The following AGAP1 variants were observed in gnomAD, a reference collection of about 807,000 sequenced individuals.
AGAP1 encodes ArfGAP with GTPase domain, ankyrin repeat and PH domain 1.
In AGAP1, 29 loss-of-function variants were observed where a neutral mutation model predicts 105.3. The observed-to-expected ratio is 0.28, with a 90% confidence interval of 0.21 to 0.38. AGAP1 has a LOEUF of 0.38. Among genes scored for constraint, AGAP1 ranks in the 10% least tolerant of loss-of-function variants. The pLI, the probability that AGAP1 is intolerant of heterozygous loss-of-function variation, is 1.00. For missense variants in AGAP1, 998 were observed against 1,165.1 expected, an observed-to-expected ratio of 0.86 and a Z score of 2.09; for synonymous variants, 509 against 485.9, an observed-to-expected ratio of 1.05 and a Z score of -0.63.
intron 1 of AGAP1, among the ~76,000 whole-genome samples, chr2:235,682,523 T>G (rs1242990597): frequency 6.6e-6 from 1 of 151,698 alleles, no homozygotes; most frequent in African/African-American, 2.4e-5. Flanking sequence ...TTTTTTAATT[T>G]TAGTAGAGAT....
In AGAP1 at chr2:236,028,877, A is replaced by C. The variant is rs114956905; in HGVS notation, c.1646-7684A>C. Among the ~76,000 whole-genome samples the C allele has an allele frequency of 2.0e-3, 305 of 152,310 alleles. 1 individual carries two copies. The highest frequency in any genetic ancestry group is 3.3e-3 in the South Asian group (16 of 4,832). On this transcript the variant is annotated intron_variant, in intron 13 of 17. Coordinates refer to ENST00000304032, the MANE Select transcript of AGAP1 (RefSeq NM_001037131.3). ...AGATTATCTCTGTCCAAGGTAATGG[A>C]GTCCTCTTCTATTCCTCGTTGGCTA...
chr2:235,628,988 T>C (rs1463158907), intron 1 of AGAP1, among the ~76,000 whole-genome samples: 1 of 152,084 alleles, frequency 6.6e-6, no homozygotes, highest in Non-Finnish European at 1.5e-5. Flanking sequence ...ATTTTTGTAT[T>C]TTTAGTAGAG....
At chr2:236,063,271 G>A (rs907982771) in intron 16 of AGAP1, among the ~76,000 whole-genome samples, 1 of 151,992 alleles carries the variant, frequency 6.6e-6, no homozygotes, top group Non-Finnish European at 1.5e-5. Context: ...TGTATATTTA[G>A]TAGAGACGGG....
chr2:236,048,733 C>G (rs1042412099), intron 15 of AGAP1, among the ~76,000 whole-genome samples: 2 of 152,238 alleles, frequency 1.3e-5, no homozygotes, highest in Admixed American at 6.5e-5. Context: ...TTTTCCCACA[C>G]AGGTCAGCCC....
intron 13 of AGAP1, among the ~76,000 whole-genome samples, chr2:235,986,185 A>G (rs2055307823): frequency 6.6e-6 from 1 of 152,044 alleles, no homozygotes. Flanking sequence ...CGTCCTTCAC[A>G]TCCCTTGTTA....
At chr2:235,704,300 T>C (rs1205493447) in intron 1 of AGAP1, among the ~76,000 whole-genome samples, 1 of 152,138 alleles carries the variant, frequency 6.6e-6, no homozygotes, top group Non-Finnish European at 1.5e-5. Context: ...TTTTGAAAAA[T>C]TGAAGATGAA....
At chr2:235,807,767 G>A (rs1957915221) in intron 9 of AGAP1, among the ~76,000 whole-genome samples, 1 of 152,204 alleles carries the variant, frequency 6.6e-6, no homozygotes. Context: ...TTGTAACAAC[G>A]AGGCAATTAG....
At chr2:235,738,170 A>G (rs1476587160) in intron 3 of AGAP1, among the ~76,000 whole-genome samples, 1 of 152,106 alleles carries the variant, frequency 6.6e-6, no homozygotes, top group Non-Finnish European at 1.5e-5. Flanking sequence ...CTAGCAAAGA[A>G]GTGTGGGTGA....
intron 12 of AGAP1, among the ~76,000 whole-genome samples, chr2:235,938,309 C>T (rs975902609): frequency 1.3e-5 from 2 of 152,210 alleles, no homozygotes; most frequent in Non-Finnish European, 2.9e-5. Flanking sequence ...GGTCGGTGGT[C>T]AAGGCTAGAT....
chr2:235,826,827 G>T (rs553244021), intron 9 of AGAP1, among the ~76,000 whole-genome samples: 58 of 152,284 alleles, frequency 3.8e-4, no homozygotes, highest in African/African-American at 1.4e-3. Flanking sequence ...GTGGCTGGCT[G>T]TCTTCGTCAC....
intron 1 of AGAP1, among the ~76,000 whole-genome samples, chr2:235,585,518 A>G (rs7562244): frequency 0.18 from 27,017 of 152,088 alleles, 3,213 homozygotes; most frequent in African/African-American, 0.34. Context: ...TCCAGGAATG[A>G]GTCTGTGGGC....
chr2:235,945,534 A>T (rs934455162), intron 12 of AGAP1, among the ~76,000 whole-genome samples: 1 of 152,194 alleles, frequency 6.6e-6, no homozygotes, highest in Non-Finnish European at 1.5e-5. Flanking sequence ...CATATGGGTT[A>T]ACTACCATTT....
chr2:235,855,824 C>T lies in AGAP1; in HGVS notation c.1051-27521C>T, dbSNP rs952949160. On this transcript the variant is annotated intron_variant, in intron 9 of 17. Transcript: ENST00000304032. The surrounding 1 kb of genome is among the most constrained non-coding windows in gnomAD (Gnocchi z 5.0). The stretch of plus-strand genomic sequence containing the variant: ...GCCTTAGAGGAAATGCCTTGTTTAC[C>T]CTATGAGGTCTCTAGATGCACGGAG... Among the ~76,000 whole-genome samples the T allele has an allele frequency of 1.3e-5, 2 of 152,110 alleles. No individual in the cohort carries two copies. The highest frequency in any genetic ancestry group is 2.9e-5 in the Non-Finnish European group (2 of 68,030).
At position 235,577,452 on chromosome 2, in the gene AGAP1, C is replaced by A. The variant is rs1424048300; in HGVS notation, c.163+82603C>A. Among the ~76,000 whole-genome samples the A allele has an allele frequency of 1.3e-5, 2 of 152,118 alleles. No individual in the cohort carries two copies. Among genetic ancestry groups the A allele is most frequent in the Admixed American group, 6.5e-5 (1 of 15,280 alleles). ...CTTGACCTTCTGCCCAAAGCCTTTG[C>A]CAGATGAGACACTGCCTCTCGCTGA... On this transcript the variant is annotated intron_variant, in intron 1 of 17. Coordinates refer to ENST00000304032, the MANE Select transcript of AGAP1 (RefSeq NM_001037131.3). This position sits in a 1 kb window ranked among gnomAD's most constrained non-coding sequence, Gnocchi z 4.5.
intron 1 of AGAP1, among the ~76,000 whole-genome samples, chr2:235,679,239 T>TGTC (rs2149391101): frequency 6.6e-6 from 1 of 152,362 alleles, no homozygotes; most frequent in South Asian, 2.1e-4. Flanking sequence ...TAAACAGATA[T>TGTC]GTCACTGTGC....
At chr2:235,820,008 A>C (rs1166073460) in intron 9 of AGAP1, among the ~76,000 whole-genome samples, 1 of 145,786 alleles carries the variant, frequency 6.9e-6, no homozygotes, top group Non-Finnish European at 1.5e-5. Flanking sequence ...GGTTCAAGTG[A>C]TTCTTTTGCC....
chr2:235,948,364 G>C (rs2053590132), intron 12 of AGAP1, among the ~76,000 whole-genome samples: 1 of 152,016 alleles, frequency 6.6e-6, no homozygotes, highest in Admixed American at 6.5e-5. Flanking sequence ...TTGTATGTTT[G>C]GTAGAAATGG....
At chr2:235,966,767 T>G (rs944056966) in intron 12 of AGAP1, among the ~76,000 whole-genome samples, 4 of 152,008 alleles carry the variant, frequency 2.6e-5, no homozygotes, top group Admixed American at 6.6e-5. Context: ...ACAGCCCTCT[T>G]CTTCCATGTG....
chr2:235,779,676 T>G (rs1956138913), intron 6 of AGAP1, among the ~76,000 whole-genome samples: 1 of 152,202 alleles, frequency 6.6e-6, no homozygotes, highest in African/African-American at 2.4e-5. Context: ...CTGGTTTCCT[T>G]CAGGTGAGAT....
Sources: gnomAD v4.1 joint callset for allele counts (sites outside exome capture counted in the v4.1 genomes callset) on GRCh38, gnomAD v4.1.1 for gene constraint, Gnocchi (gnomAD v3.1) non-coding constraint, MANE v1.5 for transcripts, NCBI Gene and HGNC (gene_info 2026-07-23, HGNC 2026-07-21) for gene names.